PRKDC: variants seen among roughly 807,000 people sequenced by gnomAD.
PRKDC encodes the protein protein kinase, DNA-activated, catalytic subunit, also known as DNA-dependent protein kinase catalytic subunit.
PRKDC carries 82 observed loss-of-function variants against 486.9 expected under a neutral mutation model. The observed-to-expected ratio is 0.17, with a 90% CI of 0.14 to 0.20. PRKDC has a LOEUF of 0.20. Ranked by LOEUF, PRKDC falls within the 10% of genes least tolerant of loss-of-function variation. The pLI is 1.00. For missense variants in PRKDC, 4,504 were observed against 5,038.2 expected (o/e 0.89, Z 3.21); for synonymous variants, 1,895 against 1,837.0 (o/e 1.03, Z -0.81).
At chr8:47,813,726 C>T (rs1264225756) in intron 68 of PRKDC, among the ~76,000 whole-genome samples, 2 of 152,122 alleles carry the variant, frequency 1.3e-5, no homozygotes, top group Non-Finnish European at 2.9e-5. Context: ...AGGCATGTGC[C>T]ACCATGCTCG....
chr8:47,882,570 A>G (rs2089243051), intron 36 of PRKDC, among the ~76,000 whole-genome samples: 1 of 151,908 alleles, frequency 6.6e-6, no homozygotes, highest in South Asian at 2.1e-4. Context: ...CACCACCACC[A>G]TACAGGCACA....
chr8:47,926,995 A>C lies in PRKDC; in HGVS notation c.2419+199T>G, dbSNP rs1320784682. On this transcript the variant is annotated intron_variant, in intron 21 of 85. Transcript: ENST00000314191. ...GTAAGCTATAAGTGAGTAAATGAAA[A>C]ATTTTTTAATACCTCAACTATATTT... The C allele has an allele frequency of 1.9e-5, 11 of 582,756 alleles. 1 individual carries two copies. Among genetic ancestry groups the C allele is most frequent in the Non-Finnish European group, 3.1e-5 (11 of 351,584 alleles). The allele number at this position is 582,756 out of a possible 1,614,324, so 36.1% of individuals were successfully genotyped here. A position where few individuals can be genotyped will look rare whatever the true frequency, so the allele number is the denominator to read the frequency against.
At chr8:47,952,603 C>T (rs2090643264) in intron 7 of PRKDC, among the ~76,000 whole-genome samples, 1 of 152,296 alleles carries the variant, frequency 6.6e-6, no homozygotes, top group South Asian at 2.1e-4. Flanking sequence ...TGCCTATAAT[C>T]CCAGCACTTT....
intron 40 of PRKDC, among the ~76,000 whole-genome samples, chr8:47,865,212 CCT>C (rs1415027734): frequency 6.6e-6 from 1 of 151,568 alleles, no homozygotes; most frequent in Non-Finnish European, 1.5e-5. Flanking sequence ...ATGGTGAAAC[CCT>C]GTCTCTACTA....
At chr8:47,912,783 A>G (rs907945699) in intron 24 of PRKDC, among the ~76,000 whole-genome samples, 1 of 152,246 alleles carries the variant, frequency 6.6e-6, no homozygotes, top group African/African-American at 2.4e-5. Flanking sequence ...ATTAAAATGT[A>G]AAAGCTTTAG....
intron 85 of PRKDC, 44 bp from the exon 86 acceptor site, chr8:47,774,421 G>T (rs1258825085): frequency 6.4e-7 from 1 of 1,563,382 alleles, no homozygotes; most frequent in Non-Finnish European, 8.7e-7. Flanking sequence ...ATGTGTCATT[G>T]TCCTTTGTTG....
chr8:47,774,416 T>G, intron 85 of PRKDC, 39 bp from the exon 86 acceptor site: 1 of 1,582,414 alleles, frequency 6.3e-7, no homozygotes, highest in Middle Eastern at 2.2e-4. Context: ...AAAGCATGTG[T>G]CATTGTCCTT....
intron 63 of PRKDC, among the ~76,000 whole-genome samples, chr8:47,824,885 T>G (rs529274711): frequency 6.6e-6 from 1 of 152,328 alleles, no homozygotes; most frequent in South Asian, 2.1e-4. Flanking sequence ...GACTGCTCCC[T>G]CCTTAGTTCT....
At chr8:47,876,722 A>G (rs1015015605) in intron 40 of PRKDC, among the ~76,000 whole-genome samples, 1 of 152,148 alleles carries the variant, frequency 6.6e-6, no homozygotes. Context: ...TTTTGCTAAA[A>G]TACTAAATTG....
chr8:47,836,774 A>G (rs2088034398), intron 57 of PRKDC, among the ~76,000 whole-genome samples: 1 of 152,242 alleles, frequency 6.6e-6, no homozygotes, highest in Non-Finnish European at 1.5e-5. Flanking sequence ...AAAAGGTTTG[A>G]TATCATGCTC....
chr8:47,930,654 T>A lies in PRKDC; in HGVS notation c.1892+18A>T, dbSNP rs8178034. On this transcript the variant is annotated intron_variant, in intron 17 of 85. Transcript: ENST00000314191. ...ACAATCATTTTCATTCTTAAATAAT[T>A]AGAATTTTACCAAATACCTGCAAAA... The A allele has an allele frequency of 4.2e-5, 64 of 1,538,018 alleles. No individual in the cohort carries two copies. In the Admixed American group the frequency reaches 1.2e-3, roughly 29 times the overall value.
intron 74 of PRKDC, among the ~76,000 whole-genome samples, chr8:47,790,921 T>C (rs1411003515): frequency 1.3e-5 from 2 of 152,072 alleles, no homozygotes; most frequent in Admixed American, 6.6e-5. Flanking sequence ...TCCAAATAGA[T>C]TAAAGACTTA....
Position 47,939,619 on chromosome 8 carries a change from T to A in PRKDC, c.1045A>T (p.Ile349Phe). ...QYFMEQFYGI[I>F]RNVDSNNKEL... ...TTGTTGTTCGAATCCACATTTCTGA[T>A]GATTCCATAAAACTGCTCCATAAAG... is the stretch of plus-strand genomic sequence containing the variant. The change falls in exon 11 of 86, where the codon ATC becomes TTC. Residue 349 changes from isoleucine to phenylalanine, a missense_variant. Physicochemically the swap from Ile to Phe is conservative, Grantham distance 21. This residue lies in a region of PRKDC where 1,969 missense variants were observed against 2,068.9 expected (regional missense o/e 0.95). Coordinates refer to ENST00000314191, the MANE Select transcript of PRKDC (RefSeq NM_006904.7). 1 of 1,613,532 alleles carries A rather than the reference T, an allele frequency of 6.2e-7. No homozygotes were observed. Among genetic ancestry groups the A allele is most frequent in the Non-Finnish European group, 8.5e-7 (1 of 1,179,454 alleles).
At chr8:47,958,431 A>G (rs751974753) in intron 1 of PRKDC, among the ~76,000 whole-genome samples, 2 of 152,170 alleles carry the variant, frequency 1.3e-5, no homozygotes, top group African/African-American at 2.4e-5. Context: ...TACAGTGGGA[A>G]CTGTAAGAGT....
At chr8:47,792,828 C>T (rs950039955) in intron 74 of PRKDC, among the ~76,000 whole-genome samples, 4 of 152,116 alleles carry the variant, frequency 2.6e-5, no homozygotes, top group Admixed American at 2.6e-4. Flanking sequence ...GACGTTTTGA[C>T]GTATATAACG....
At chr8:47,922,246 C>A (rs1239923942) in intron 21 of PRKDC, among the ~76,000 whole-genome samples, 1 of 152,120 alleles carries the variant, frequency 6.6e-6, no homozygotes, top group African/African-American at 2.4e-5. Flanking sequence ...AATCCTCCCA[C>A]CTCAGCCTCC....
At chr8:47,912,771 G>T (rs983559028) in intron 24 of PRKDC, among the ~76,000 whole-genome samples, 1 of 152,074 alleles carries the variant, frequency 6.6e-6, no homozygotes, top group Non-Finnish European at 1.5e-5. Flanking sequence ...CAAGAACAAA[G>T]AATTAAAATG....
At chr8:47,866,661 T>C (rs554973011) in intron 40 of PRKDC, among the ~76,000 whole-genome samples, 1 of 152,230 alleles carries the variant, frequency 6.6e-6, no homozygotes, top group South Asian at 2.1e-4. Context: ...ACCTATAAAT[T>C]GGAAAAAATC....
At position 47,913,945 on chromosome 8, in the gene PRKDC, G is replaced by A; in HGVS notation, c.2737C>T (p.Arg913Ter). 6.2e-7 allele frequency: 1 copy of A among 1,611,292 alleles called. No homozygotes were observed. Among genetic ancestry groups the A allele is most frequent in the Non-Finnish European group, 8.5e-7 (1 of 1,178,642 alleles). Residue 913 changes from arginine to a stop codon, truncating the protein, a stop_gained, in exon 24 of 86, where the codon CGA (arginine) becomes TGA (stop). Coordinates refer to ENST00000314191, the MANE Select transcript of PRKDC (RefSeq NM_006904.7). LOFTEE classifies it high-confidence loss of function. ...PVIFLDVFLP[R>*]VTELALTASD... ...GCTGTGAGCGCTAATTCTGTGACTC[G>A]AGGCAGGAACACATCCAGGAAAATG...
Sources: allele counts gnomAD v4.1 joint callset (sites outside exome capture counted in the v4.1 genomes callset), GRCh38; gene constraint gnomAD v4.1.1; regional missense constraint gnomAD v4.1.1; transcripts MANE v1.5; gene names NCBI Gene and HGNC (gene_info 2026-07-23, HGNC 2026-07-21).